Variants in RBFOX1 observed in about 807,000 individuals in gnomAD.
The protein encoded by RBFOX1 is RNA binding fox-1 homolog 1, also known as RNA binding protein fox-1 homolog 1.
Under a neutral mutation model 57.7 loss-of-function variants are expected in RBFOX1, and 8 were observed. The observed-to-expected ratio is 0.14, with a 90% CI of 0.08 to 0.25. The LOEUF (loss-of-function observed/expected upper bound fraction) is 0.25. Among genes scored for constraint, RBFOX1 ranks in the 10% least tolerant of loss-of-function variants. RBFOX1 has a pLI of 1.00. For missense variants in RBFOX1, 611 were observed against 548.5 expected (o/e 1.11, Z -1.14); for synonymous variants, 326 against 222.4 (o/e 1.47, Z -4.15).
chr16:5,994,447 C>G (rs13335695), intron 4 of RBFOX1, among the ~76,000 whole-genome samples: 1,575 of 152,322 alleles, frequency 0.01, 27 homozygotes, highest in African/African-American at 0.036. Context: ...CAAGCATGAG[C>G]CACCACTCCT....
chr16:6,051,040 C>A (rs184846165), intron 1 of RBFOX1, among the ~76,000 whole-genome samples: 1 of 147,798 alleles, frequency 6.8e-6, no homozygotes, highest in South Asian at 2.3e-4. Flanking sequence ...TATTTGCTAC[C>A]CCACACCTGA....
At chr16:5,716,189 TA>T in intron 3 of RBFOX1, among the ~76,000 whole-genome samples, 1 of 152,364 alleles carries the variant, frequency 6.6e-6, no homozygotes, top group East Asian at 1.9e-4. Flanking sequence ...TTTTTATTTT[TA>T]AACTTTTATT....
At chr16:6,536,069 TAGC>T (rs1190108982) in intron 2 of RBFOX1, among the ~76,000 whole-genome samples, 8 of 152,208 alleles carry the variant, frequency 5.3e-5, no homozygotes, top group Non-Finnish European at 8.8e-5. Context: ...ATCTTGTTCA[TAGC>T]AGAGGTGATA....
intron 2 of RBFOX1, among the ~76,000 whole-genome samples, chr16:6,319,434 G>T (rs911122086): frequency 6.6e-5 from 10 of 152,138 alleles, no homozygotes; most frequent in African/African-American, 2.4e-4. Flanking sequence ...GTACTTGTTG[G>T]ATATAATGAT....
intron 4 of RBFOX1, among the ~76,000 whole-genome samples, chr16:7,335,191 T>C (rs995436394): frequency 1.3e-5 from 2 of 152,234 alleles, no homozygotes; most frequent in African/African-American, 4.8e-5. Flanking sequence ...TGAGCCGATG[T>C]TTCTGCTGCC....
intron 1 of RBFOX1, among the ~76,000 whole-genome samples, chr16:6,138,094 G>T (rs2096681935): frequency 6.6e-6 from 1 of 152,152 alleles, no homozygotes; most frequent in Non-Finnish European, 1.5e-5. Flanking sequence ...GTATTTTTGA[G>T]ATCCCTGATG....
intron 4 of RBFOX1, among the ~76,000 whole-genome samples, chr16:7,140,712 T>C (rs1253882017): frequency 6.6e-6 from 1 of 152,064 alleles, no homozygotes; most frequent in African/African-American, 2.4e-5. Context: ...GTGCAATAAT[T>C]ATTGGAACTG....
chr16:6,802,150 G>C (rs926216623), intron 3 of RBFOX1, among the ~76,000 whole-genome samples: 3 of 151,578 alleles, frequency 2.0e-5, no homozygotes, highest in African/African-American at 7.3e-5. Context: ...CCCCAGGAAA[G>C]GCCTGGGCAC....
intron 4 of RBFOX1, among the ~76,000 whole-genome samples, chr16:5,881,704 G>T (rs1344256875): frequency 6.6e-6 from 1 of 152,056 alleles, no homozygotes; most frequent in Non-Finnish European, 1.5e-5. Context: ...TTTAAAAAAA[G>T]ATCAGGGATT....
intron 2 of RBFOX1, among the ~76,000 whole-genome samples, chr16:6,549,434 GA>G: frequency 1.5e-5 from 1 of 65,284 alleles, no homozygotes; most frequent in African/African-American, 6.1e-5. Flanking sequence ...GGGGAGGAGG[GA>G]GGAGGAGGAG....
chr16:5,432,325 C>G (rs956449118), intron 1 of RBFOX1, among the ~76,000 whole-genome samples: 1 of 98,066 alleles, frequency 1.0e-5, no homozygotes, highest in Non-Finnish European at 2.1e-5. Flanking sequence ...CCTGTTGTTG[C>G]CGCTAACCAA....
At chr16:6,999,216 A>ATTTTTTT (rs374767232) in intron 3 of RBFOX1, among the ~76,000 whole-genome samples, 3 of 109,032 alleles carry the variant, frequency 2.8e-5, no homozygotes, top group Non-Finnish European at 3.9e-5. Flanking sequence ...ATTTTTATTT[A>ATTTTTTT]TTTTTTTTAT....
intron 14 of RBFOX1, among the ~76,000 whole-genome samples, chr16:7,677,088 A>T (rs1267114084): frequency 6.8e-6 from 1 of 146,458 alleles, no homozygotes; most frequent in Non-Finnish European, 1.5e-5. Flanking sequence ...GTAGTTTTTC[A>T]CATCTCTTAA....
intron 3 of RBFOX1, among the ~76,000 whole-genome samples, chr16:5,713,072 A>T (rs1323426788): frequency 6.6e-6 from 1 of 152,198 alleles, no homozygotes; most frequent in African/African-American, 2.4e-5. Context: ...GGATGTGCAG[A>T]AAGTTTTCCT....
chr16:6,576,620 A>G (rs1224587637), intron 2 of RBFOX1, among the ~76,000 whole-genome samples: 4 of 151,538 alleles, frequency 2.6e-5, no homozygotes, highest in Admixed American at 1.3e-4. Flanking sequence ...GGAGGAAATA[A>G]CAGCTAATGG....
intron 3 of RBFOX1, among the ~76,000 whole-genome samples, chr16:5,756,916 A>G (rs1158483933): frequency 1.3e-5 from 2 of 152,232 alleles, no homozygotes; most frequent in East Asian, 3.9e-4. Flanking sequence ...GTTCTACAAG[A>G]TGATGTAAAG....
chr16:6,881,393 A>G (rs12920846), intron 3 of RBFOX1, among the ~76,000 whole-genome samples: 38,444 of 152,022 alleles, frequency 0.25, 5,090 homozygotes, highest in African/African-American at 0.32. Flanking sequence ...TGCAGACTAG[A>G]AGTCCAGAAT....
chr16:6,743,153 C>G (rs537021495), intron 3 of RBFOX1, among the ~76,000 whole-genome samples: 1 of 151,926 alleles, frequency 6.6e-6, no homozygotes. Context: ...TACTGTAAAC[C>G]CTTAAGTTCC....
intron 3 of RBFOX1, among the ~76,000 whole-genome samples, chr16:6,666,255 C>T (rs116121667): frequency 0.019 from 2,947 of 152,156 alleles, 94 homozygotes; most frequent in African/African-American, 0.064. Context: ...TGACTGAGGC[C>T]GGGCACAGTG....
Sources: allele counts gnomAD v4.1 joint callset (sites outside exome capture counted in the v4.1 genomes callset), GRCh38; gene constraint gnomAD v4.1.1; transcripts MANE v1.5; gene names NCBI Gene and HGNC (gene_info 2026-07-23, HGNC 2026-07-21).